CCDC66: variants seen among roughly 807,000 people sequenced by gnomAD.
The protein encoded by CCDC66 is coiled-coil domain-containing protein 66.
In CCDC66, 133 loss-of-function variants were observed where a neutral mutation model predicts 128.3. That is an observed-to-expected ratio of 1.04 (90% CI 0.90 to 1.20). The LOEUF (loss-of-function observed/expected upper bound fraction) is 1.20. CCDC66 is among the 50% of genes most tolerant of loss of function. The pLI, the probability that CCDC66 is intolerant of heterozygous loss-of-function variation, is 0.00. For synonymous variants in CCDC66, 387 were observed against 357.0 expected (o/e 1.08, Z -0.95); for missense variants, 1,126 against 1,075.5 (o/e 1.05, Z -0.66).
intron 7 of CCDC66, among the ~76,000 whole-genome samples, chr3:56,588,846 A>G (rs1198261600): frequency 6.6e-6 from 1 of 152,250 alleles, no homozygotes; most frequent in East Asian, 1.9e-4. Flanking sequence ...TGAAAATATT[A>G]CATATCAAAA....
intron 10 of CCDC66, among the ~76,000 whole-genome samples, chr3:56,598,237 A>G (rs2072486013): frequency 6.6e-6 from 1 of 151,980 alleles, no homozygotes; most frequent in South Asian, 2.1e-4. Context: ...GGATCACTAC[A>G]ACCTCCACCT....
At chr3:56,608,590 C>CTTTTGTATTT (rs59331585) in intron 10 of CCDC66, among the ~76,000 whole-genome samples, 1 of 151,906 alleles carries the variant, frequency 6.6e-6, no homozygotes, top group Non-Finnish European at 1.5e-5. Flanking sequence ...TTTCATTTGT[C>CTTTTGTATTT]GTTTGTTTCA....
chr3:56,578,698 T>G (rs962297706), intron 7 of CCDC66, among the ~76,000 whole-genome samples: 4 of 151,866 alleles, frequency 2.6e-5, no homozygotes, highest in Admixed American at 2.0e-4. Context: ...TCTGCTTATG[T>G]GAATAGATTA....
At chr3:56,617,901 A>G (rs2075721890) in intron 14 of CCDC66, 1 of 570,462 alleles carries the variant, frequency 1.8e-6, no homozygotes, top group East Asian at 2.9e-5. Flanking sequence ...AGTCCTTTAC[A>G]CTTACACAAC....
chr3:56,587,687 A>G (rs569317972), intron 7 of CCDC66, among the ~76,000 whole-genome samples: 1 of 152,268 alleles, frequency 6.6e-6, no homozygotes, highest in East Asian at 1.9e-4. Context: ...CCTGGCTAAT[A>G]TGGTGAAACC....
intron 10 of CCDC66, among the ~76,000 whole-genome samples, chr3:56,612,824 T>C (rs2075028099): frequency 6.6e-6 from 1 of 152,174 alleles, no homozygotes; most frequent in Non-Finnish European, 1.5e-5. Flanking sequence ...ACCAATGTGC[T>C]TGGTTACTGG....
chr3:56,581,794 A>T (rs1177151123), intron 7 of CCDC66, among the ~76,000 whole-genome samples: 1 of 151,678 alleles, frequency 6.6e-6, no homozygotes, highest in Non-Finnish European at 1.5e-5. Context: ...TCAGAGGGGC[A>T]CCCAGCTTTA....
rs59285810 is a variant in CCDC66 at position 56,574,361 on chromosome 3, C to CAAA, written c.936+3073_936+3075dup. Among the ~76,000 whole-genome samples, 367 of 126,532 alleles carry CAAA rather than the reference C, an allele frequency of 2.9e-3. 1 individual carries two copies. Among genetic ancestry groups the CAAA allele is most frequent in the African/African-American group, 6.0e-3 (192 of 32,264 alleles). 83.0% of individuals were successfully genotyped at this position (126,532 alleles called of 152,430 possible). ...TGGGCGACAGAGCAAGACTCTGTCT[C>CAAA]AAAAAAAAAAAAAAAATCAGTTTTT... On this transcript the variant is annotated intron_variant, in intron 7 of 17. Transcript: ENST00000394672.
At chr3:56,568,879 G>T (rs36029237) in intron 6 of CCDC66, among the ~76,000 whole-genome samples, 5,089 of 152,210 alleles carry the variant, frequency 0.033, 111 homozygotes, top group Middle Eastern at 0.078. Flanking sequence ...TTACTTCTTC[G>T]ACTAAACTTG....
rs148996363 is a variant in CCDC66, at chr3:56,586,529, C to CA, written c.937-6428dup. On this transcript the variant is annotated intron_variant, in intron 7 of 17. Coordinates refer to ENST00000394672, the MANE Select transcript of CCDC66 (RefSeq NM_001141947.3). ...CTGGGGGCAGAGCAAGACTCTTTCT[C>CA]AAAAAAAAAAAAAGAAAAAAAGAAA... 4.6e-3 allele frequency among the ~76,000 whole-genome samples: 603 copies of CA among 130,588 alleles called. 13 individuals carry two copies. In the South Asian group the frequency reaches 0.066, roughly 14 times the overall value. 85.7% of individuals were successfully genotyped at this position (130,588 alleles called of 152,430 possible). A position where few individuals can be genotyped will look rare whatever the true frequency, so the allele number is the denominator to read the frequency against.
intron 10 of CCDC66, among the ~76,000 whole-genome samples, chr3:56,604,779 G>A (rs2073817806): frequency 6.6e-6 from 1 of 151,888 alleles, no homozygotes; most frequent in African/African-American, 2.4e-5. Flanking sequence ...TCTTCTCCAG[G>A]AGTATCTTTG....
intron 10 of CCDC66, among the ~76,000 whole-genome samples, chr3:56,608,224 T>C (rs2074331561): frequency 6.6e-6 from 1 of 152,154 alleles, no homozygotes; most frequent in African/African-American, 2.4e-5. Flanking sequence ...ATTACCTGAA[T>C]GTCTGGTAGA....
At chr3:56,563,365 A>G (rs2065369456) in intron 3 of CCDC66, among the ~76,000 whole-genome samples, 1 of 138,224 alleles carries the variant, frequency 7.2e-6, no homozygotes, top group South Asian at 2.2e-4. Context: ...TGTGTCAAAA[A>G]AAAGTAGTTA....
Position 56,579,659 on chromosome 3 carries a change from G to A in CCDC66, c.936+8357G>A, listed in dbSNP as rs1289875676. On this transcript the variant is annotated intron_variant, in intron 7 of 17. Transcript: ENST00000394672. ...ACATGTTAATTTCTGCCTTCATTTC[G>A]TTATGTACCCAGTAGTCATTCAGGA... Among the ~76,000 whole-genome samples the A allele has an allele frequency of 3.3e-5, 5 of 151,750 alleles. No individual in the cohort carries two copies. In the East Asian group the frequency reaches 9.9e-4, roughly 30 times the overall value.
chr3:56,564,834 A>AT (rs2065577823), intron 4 of CCDC66, among the ~76,000 whole-genome samples: 2 of 152,264 alleles, frequency 1.3e-5, no homozygotes, highest in Non-Finnish European at 2.9e-5. Context: ...TTGGGGACCC[A>AT]TTAACTCCTG....
chr3:56,564,083 AATAG>A lies in CCDC66; in HGVS notation c.505_508del (p.Arg169LeufsTer4). 2 of 1,611,214 alleles carry A rather than the reference AATAG, an allele frequency of 1.2e-6. No homozygotes were observed. Among genetic ancestry groups the A allele is most frequent in the Non-Finnish European group, 1.7e-6 (2 of 1,178,456 alleles). On this transcript the variant is annotated frameshift_variant, in exon 4 of 18. Transcript: ENST00000394672. LOFTEE classifies it high-confidence loss of function. ...GATTTTGATGACTGTAAACCAAGGA[AATAG>A]ATCTCTTTCCCTGACTGAGAATGGA...
Position 56,619,852 on chromosome 3 carries a change from A to G in CCDC66, c.2711A>G (p.Asn904Ser), listed in dbSNP as rs779978352. Reference sequence around the variant, plus strand: ...CTTCTTAATCCTAACATGGTGAAAAATAGGGATCGACAGCAAGCAATCCTT... The same window carrying G: ...CTTCTTAATCCTAACATGGTGAAAAGTAGGGATCGACAGCAAGCAATCCTT... Reference protein sequence around the residue: ...DPLLNPNMVKNRDRQQAILKG... With the variant: ...DPLLNPNMVKSRDRQQAILKG... Residue 904 changes from asparagine (N) to serine (S), a missense_variant, in exon 17 of 18, where the codon AAT becomes AGT. Asn to Ser is a conservative substitution (Grantham distance 46, BLOSUM62 1). Transcript: ENST00000394672. 1 of 1,614,144 alleles carries G rather than the reference A, an allele frequency of 6.2e-7. No homozygotes were observed. The highest frequency in any genetic ancestry group is 8.5e-7 in the Non-Finnish European group (1 of 1,179,992).
chr3:56,593,378 T>C (rs540870600), intron 8 of CCDC66, 113 bp from the exon 9 acceptor site: 92 of 1,165,630 alleles, frequency 7.9e-5, no homozygotes, highest in Non-Finnish European at 9.9e-5. Context: ...TTAATTTTTA[T>C]GATGCTTATT....
chr3:56,592,144 A>G (rs953754481), intron 7 of CCDC66, among the ~76,000 whole-genome samples: 1 of 152,190 alleles, frequency 6.6e-6, no homozygotes, highest in Non-Finnish European at 1.5e-5. Context: ...AGGCTGTGAT[A>G]GAGCTGTAGT....
Sources: allele counts gnomAD v4.1 joint callset (sites outside exome capture counted in the v4.1 genomes callset), GRCh38; gene constraint gnomAD v4.1.1; transcripts MANE v1.5; gene names NCBI Gene and HGNC (gene_info 2026-07-23, HGNC 2026-07-21).